ROBO2: variants seen among roughly 807,000 people sequenced by gnomAD.
ROBO2 encodes the protein roundabout guidance receptor 2, also known as roundabout homolog 2.
In ROBO2, 53 loss-of-function variants were observed where a neutral mutation model predicts 160.8. That is an observed-to-expected ratio of 0.33 (90% CI 0.26 to 0.41). The LOEUF (loss-of-function observed/expected upper bound fraction) is 0.41. ROBO2 is among the 10% of genes least tolerant of loss of function. The pLI is 1.00. For synonymous variants in ROBO2, 664 were observed against 611.7 expected (o/e 1.09, Z -1.26); for missense variants, 1,577 against 1,722.4 (o/e 0.92, Z 1.49).
chr3:77,056,724 A>T (rs1335179058), intron 1 of ROBO2, among the ~76,000 whole-genome samples: 2 of 152,188 alleles, frequency 1.3e-5, no homozygotes, highest in African/African-American at 4.8e-5. Context: ...CAAATGTATT[A>T]TTGCTTAATA....
chr3:77,481,606 T>C (rs182434206), intron 4 of ROBO2, among the ~76,000 whole-genome samples: 1 of 152,254 alleles, frequency 6.6e-6, no homozygotes, highest in East Asian at 1.9e-4. Flanking sequence ...GAGTATAGTA[T>C]AAAAAAACTT....
At chr3:76,677,740 T>C (rs551079927) in intron 2 of ROBO2, among the ~76,000 whole-genome samples, 47 of 152,180 alleles carry the variant, frequency 3.1e-4, no homozygotes, top group African/African-American at 1.1e-3. Flanking sequence ...AAATTTAAAA[T>C]ATATAGAAGC....
chr3:76,780,776 AT>A (rs1291314677), intron 2 of ROBO2, among the ~76,000 whole-genome samples: 1 of 150,594 alleles, frequency 6.6e-6, no homozygotes, highest in East Asian at 2.0e-4. Flanking sequence ...TGTTCCATGT[AT>A]CTGTTTCTAT....
intron 2 of ROBO2, among the ~76,000 whole-genome samples, chr3:76,811,495 G>A (rs972914722): frequency 1.3e-5 from 2 of 152,018 alleles, no homozygotes; most frequent in East Asian, 1.9e-4. Flanking sequence ...ATTAGATTTG[G>A]TTTTAAATGT....
intron 10 of ROBO2, 35 bp downstream of exon 11, chr3:77,562,767 C>A: frequency 7.0e-7 from 1 of 1,430,022 alleles, no homozygotes; most frequent in Non-Finnish European, 9.9e-7. Context: ...AATCTTGGGC[C>A]CCTTTTCTGA....
chr3:77,301,211 T>TA (rs1279969964), intron 2 of ROBO2, among the ~76,000 whole-genome samples: 1 of 152,052 alleles, frequency 6.6e-6, no homozygotes, highest in Non-Finnish European at 1.5e-5. Context: ...TTACTGATTT[T>TA]AAAAAATAAA....
chr3:76,652,131 CATT>C (rs1413298994), intron 2 of ROBO2, among the ~76,000 whole-genome samples: 7 of 152,170 alleles, frequency 4.6e-5, no homozygotes, highest in Non-Finnish European at 1.0e-4. Context: ...ACTATGCTCT[CATT>C]AGGAGACCAA....
At chr3:76,169,026 T>G (rs2072937416) in intron 2 of ROBO2, among the ~76,000 whole-genome samples, 2 of 152,070 alleles carry the variant, frequency 1.3e-5, no homozygotes, top group Non-Finnish European at 2.9e-5. Flanking sequence ...TTAAGGTGCA[T>G]AATCCATTCT....
intron 1 of ROBO2, among the ~76,000 whole-genome samples, chr3:75,927,539 C>CA (rs2106897360): frequency 6.6e-6 from 1 of 152,332 alleles, no homozygotes; most frequent in African/African-American, 2.4e-5. Flanking sequence ...CTCACATAGT[C>CA]ACGTAAAGTA....
chr3:77,139,355 C>T (rs2076526291), intron 2 of ROBO2, among the ~76,000 whole-genome samples: 1 of 152,118 alleles, frequency 6.6e-6, no homozygotes, highest in African/African-American at 2.4e-5. Context: ...TCCATTAATA[C>T]ACTCCATTCA....
At chr3:76,478,298 GAT>G (rs2079039478) in intron 2 of ROBO2, among the ~76,000 whole-genome samples, 1 of 150,558 alleles carries the variant, frequency 6.6e-6, no homozygotes, top group Admixed American at 6.7e-5. Context: ...TTGTTCTTGC[GAT>G]AGTTTACTGA....
chr3:77,527,409 C>T (rs1407514395), intron 6 of ROBO2: 1 of 1,287,964 alleles, frequency 7.8e-7, no homozygotes, highest in East Asian at 5.6e-5. Context: ...ACAGCTCGCC[C>T]TGTTGGTAAG....
At chr3:77,612,730 A>C (rs1488230438) in intron 21 of ROBO2, among the ~76,000 whole-genome samples, 1 of 152,114 alleles carries the variant, frequency 6.6e-6, no homozygotes, top group Non-Finnish European at 1.5e-5. Flanking sequence ...GCAGATCACG[A>C]GGTTAGGAGA....
chr3:76,680,965 C>G (rs1011088412), intron 2 of ROBO2, among the ~76,000 whole-genome samples: 3 of 151,900 alleles, frequency 2.0e-5, no homozygotes, highest in African/African-American at 7.3e-5. Flanking sequence ...TTAGTAGAGA[C>G]AGGGTTTCAG....
At chr3:77,354,427 G>T (rs1481211027) in intron 2 of ROBO2, among the ~76,000 whole-genome samples, 1 of 151,346 alleles carries the variant, frequency 6.6e-6, no homozygotes, top group Non-Finnish European at 1.5e-5. Context: ...TTATTTCGCG[G>T]CATGAATTTG....
At chr3:77,513,261 A>G (rs1250296301) in intron 5 of ROBO2, among the ~76,000 whole-genome samples, 1 of 151,790 alleles carries the variant, frequency 6.6e-6, no homozygotes, top group African/African-American at 2.4e-5. Flanking sequence ...TCTGAATTAT[A>G]TTCTTAAAAG....
chr3:76,095,297 T>G (rs1259554399), intron 2 of ROBO2, among the ~76,000 whole-genome samples: 1 of 152,010 alleles, frequency 6.6e-6, no homozygotes, highest in African/African-American at 2.4e-5. Flanking sequence ...ATTGTGAATT[T>G]AAAAGGCCCA....
intron 5 of ROBO2, among the ~76,000 whole-genome samples, chr3:77,493,874 A>G (rs2086447988): frequency 6.6e-6 from 1 of 152,202 alleles, no homozygotes; most frequent in South Asian, 2.1e-4. Flanking sequence ...AGTAGTTGGC[A>G]TCATTTTTCA....
At chr3:76,987,057 G>A (rs2060417808) in intron 2 of ROBO2, among the ~76,000 whole-genome samples, 2 of 152,138 alleles carry the variant, frequency 1.3e-5, no homozygotes, top group African/African-American at 4.8e-5. Context: ...GGAGGATGTG[G>A]GATGTTTGAA....
Sources: gnomAD v4.1 joint callset for allele counts (sites outside exome capture counted in the v4.1 genomes callset) on GRCh38, gnomAD v4.1.1 for gene constraint, MANE v1.5 for transcripts, NCBI Gene and HGNC (gene_info 2026-07-23, HGNC 2026-07-21) for gene names.